NKAIN2: variants seen among roughly 807,000 people sequenced by gnomAD.
The protein encoded by NKAIN2 is sodium/potassium transporting ATPase interacting 2, also known as sodium/potassium-transporting ATPase subunit beta-1-interacting protein 2.
A neutral mutation model predicts 32.6 loss-of-function variants in NKAIN2; 14 were observed. The ratio of observed to expected loss-of-function variants is 0.43; its 90% CI spans 0.28 to 0.67. NKAIN2 has a LOEUF of 0.67. Ranked by LOEUF, NKAIN2 falls within the 30% of genes least tolerant of loss-of-function variation. The pLI, the probability that NKAIN2 is intolerant of heterozygous loss-of-function variation, is 0.17. For synonymous variants in NKAIN2, 80 were observed against 87.2 expected (o/e 0.92, Z 0.46); for missense variants, 198 against 258.3 (o/e 0.77, Z 1.60).
intron 1 of NKAIN2, among the ~76,000 whole-genome samples, chr6:124,110,183 A>G (rs1369819048): frequency 1.3e-5 from 2 of 148,842 alleles, no homozygotes; most frequent in African/African-American, 5.0e-5. Context: ...ATATTTTACT[A>G]TTATCGAGTG....
At chr6:124,707,372 G>T (rs1775144515) in intron 4 of NKAIN2, among the ~76,000 whole-genome samples, 1 of 151,304 alleles carries the variant, frequency 6.6e-6, no homozygotes, top group East Asian at 1.9e-4. Context: ...GGGATGGCTG[G>T]GTCAAATGGT....
chr6:124,261,918 G>GT (rs947011933), intron 1 of NKAIN2, among the ~76,000 whole-genome samples: 3 of 151,158 alleles, frequency 2.0e-5, no homozygotes, highest in Non-Finnish European at 4.4e-5. Flanking sequence ...TCCATGCTTT[G>GT]TTTTTTTCTC....
Position 124,808,068 on chromosome 6 carries a change from G to C in NKAIN2, c.536-10319G>C, listed in dbSNP as rs534664750. On this transcript the variant is annotated intron_variant, in intron 5 of 6. Coordinates refer to ENST00000368417, the MANE Select transcript of NKAIN2 (RefSeq NM_001040214.3). ...TCTACCAGAGGTACAAGGAGGAACT[G>C]GTACCATTCCTTCTGAAACTATTCC... is the stretch of plus-strand genomic sequence containing the variant. Among the ~76,000 whole-genome samples, 6 of 151,522 alleles carry C rather than the reference G, an allele frequency of 4.0e-5. No homozygotes were observed. In the South Asian group the frequency reaches 1.3e-3, roughly 32 times the overall value.
At chr6:123,841,192 C>T (rs1289852865) in intron 1 of NKAIN2, among the ~76,000 whole-genome samples, 2 of 152,092 alleles carry the variant, frequency 1.3e-5, no homozygotes. Flanking sequence ...TAAACATCTT[C>T]TTTTTTCTTT....
chr6:124,117,079 C>T (rs1785650964), intron 1 of NKAIN2, among the ~76,000 whole-genome samples: 1 of 151,382 alleles, frequency 6.6e-6, no homozygotes, highest in East Asian at 1.9e-4. Context: ...TAATTATTTG[C>T]CTTCCCACCA....
At chr6:124,398,734 G>A (rs1236116405) in intron 3 of NKAIN2, among the ~76,000 whole-genome samples, 1 of 152,038 alleles carries the variant, frequency 6.6e-6, no homozygotes, top group Non-Finnish European at 1.5e-5. Context: ...TGAATGGAAT[G>A]GAAAAGACAT....
intron 2 of NKAIN2, among the ~76,000 whole-genome samples, chr6:124,315,596 A>C (rs547613026): frequency 1.3e-5 from 2 of 152,268 alleles, no homozygotes; most frequent in African/African-American, 4.8e-5. Flanking sequence ...GTAAGGACTT[A>C]GCAGATGAAT....
rs190055399 is a variant in NKAIN2 at position 124,581,066 on chromosome 6, T to C, written c.274-77120T>C. Among the ~76,000 whole-genome samples the C allele has an allele frequency of 2.5e-3, 382 of 152,264 alleles. 3 individuals carry two copies. Among genetic ancestry groups the C allele is most frequent in the African/African-American group, 8.8e-3 (365 of 41,552 alleles). On this transcript the variant is annotated intron_variant, in intron 3 of 6. Transcript: ENST00000368417. ...ATATTATTAGAGCTAAAGAGAGAGATAGACCCCAATGCAATAATAGCTGGA... is the reference window on the plus strand; with the variant it reads ...ATATTATTAGAGCTAAAGAGAGAGACAGACCCCAATGCAATAATAGCTGGA...
At chr6:124,525,203 G>A (rs1438974428) in intron 3 of NKAIN2, among the ~76,000 whole-genome samples, 1 of 152,098 alleles carries the variant, frequency 6.6e-6, no homozygotes, top group Non-Finnish European at 1.5e-5. Flanking sequence ...CCTGTGCACT[G>A]TATGTGTGTC....
intron 3 of NKAIN2, among the ~76,000 whole-genome samples, chr6:124,585,976 T>C (rs1781698397): frequency 6.6e-6 from 1 of 152,222 alleles, no homozygotes; most frequent in Non-Finnish European, 1.5e-5. Flanking sequence ...TTCCATCGGT[T>C]CTATAGCTTT....
chr6:124,801,674 AAG>A (rs1397710995), intron 5 of NKAIN2, among the ~76,000 whole-genome samples: 1 of 152,208 alleles, frequency 6.6e-6, no homozygotes, highest in Non-Finnish European at 1.5e-5. Context: ...TTACGAGAGA[AAG>A]AGAAATTACA....
chr6:124,489,479 T>A (rs537387466), intron 3 of NKAIN2, among the ~76,000 whole-genome samples: 85 of 152,036 alleles, frequency 5.6e-4, no homozygotes, highest in African/African-American at 1.9e-3. Context: ...TGAAAATGTA[T>A]TTAATATACC....
At chr6:124,518,493 C>T (rs796524432) in intron 3 of NKAIN2, among the ~76,000 whole-genome samples, 2 of 152,084 alleles carry the variant, frequency 1.3e-5, no homozygotes, top group African/African-American at 4.8e-5. Flanking sequence ...AGGGAGACCT[C>T]CAGAGGCTTA....
intron 1 of NKAIN2, among the ~76,000 whole-genome samples, chr6:123,949,342 G>A (rs1777220333): frequency 6.6e-6 from 1 of 151,878 alleles, no homozygotes; most frequent in South Asian, 2.1e-4. Flanking sequence ...GTGAAAAACG[G>A]CATTGGTAAT....
intron 5 of NKAIN2, chr6:124,804,498 G>C (rs1780426025): frequency 1.1e-6 from 1 of 937,866 alleles, no homozygotes; most frequent in East Asian, 1.2e-4. Context: ...AAATATTAAA[G>C]ATCTGGGGGA....
intron 3 of NKAIN2, among the ~76,000 whole-genome samples, chr6:124,565,259 CA>C (rs535233524): frequency 5.5e-4 from 83 of 152,248 alleles, no homozygotes; most frequent in African/African-American, 1.9e-3. Flanking sequence ...CTAACCTCCC[CA>C]AAGAGATTGG....
chr6:123,976,298 C>CATATATATGTTTCCATAT (rs1778580978), intron 1 of NKAIN2, among the ~76,000 whole-genome samples: 1 of 58,534 alleles, frequency 1.7e-5, no homozygotes, highest in Non-Finnish European at 3.8e-5. Flanking sequence ...TATATGTTTC[C>CATATATATGTTTCCATAT]ATATATATGT....
intron 1 of NKAIN2, among the ~76,000 whole-genome samples, chr6:124,250,539 A>G (rs1038860531): frequency 1.3e-5 from 2 of 152,076 alleles, no homozygotes; most frequent in Non-Finnish European, 2.9e-5. Context: ...AGACCGTAAA[A>G]TAGTACCTTC....
chr6:124,616,001 G>GT (rs989442318), intron 3 of NKAIN2, among the ~76,000 whole-genome samples: 9 of 151,896 alleles, frequency 5.9e-5, no homozygotes, highest in African/African-American at 1.9e-4. Context: ...ATCCCCATTT[G>GT]TTTTTTTAAT....
Sources: allele counts gnomAD v4.1 joint callset (sites outside exome capture counted in the v4.1 genomes callset), GRCh38; gene constraint gnomAD v4.1.1; transcripts MANE v1.5; gene names NCBI Gene and HGNC (gene_info 2026-07-23, HGNC 2026-07-21).